WDR37: variants seen among roughly 807,000 people sequenced by gnomAD.
WDR37 encodes WD repeat-containing protein 37.
In WDR37, 19 loss-of-function variants were observed where a neutral mutation model predicts 62.9. The ratio of observed to expected loss-of-function variants is 0.30; its 90% CI spans 0.21 to 0.44. WDR37 has a LOEUF of 0.44. Among genes scored for constraint, WDR37 ranks in the 20% least tolerant of loss-of-function variants. WDR37 has a pLI of 1.00. For missense variants in WDR37, 474 were observed against 657.6 expected, an observed-to-expected ratio of 0.72 and a Z score of 3.05; for synonymous variants, 250 against 260.9, an observed-to-expected ratio of 0.96 and a Z score of 0.40.
chr10:1,093,793 C>T (rs1467048336), intron 8 of WDR37, among the ~76,000 whole-genome samples: 2 of 152,172 alleles, frequency 1.3e-5, no homozygotes, highest in Admixed American at 6.5e-5. Context: ...TTCCTGTAGA[C>T]GGAGCTCCTT....
At chr10:1,091,886 C>G (rs556777884) in intron 7 of WDR37, among the ~76,000 whole-genome samples, 1 of 152,306 alleles carries the variant, frequency 6.6e-6, no homozygotes, top group East Asian at 1.9e-4. Context: ...GCTCCTTTTT[C>G]AAGAAAATGA....
At chr10:1,068,354 G>A (rs1833617888) in intron 1 of WDR37, among the ~76,000 whole-genome samples, 1 of 143,816 alleles carries the variant, frequency 7.0e-6, no homozygotes, top group Non-Finnish European at 1.5e-5. Context: ...GGTGGCGGGC[G>A]CCTGAGGCAG....
intron 9 of WDR37, among the ~76,000 whole-genome samples, chr10:1,101,533 A>G (rs530952127): frequency 1.9e-4 from 29 of 152,180 alleles, no homozygotes; most frequent in Non-Finnish European, 3.8e-4. Context: ...GGACTTCGAC[A>G]CAGGAATTTG....
chr10:1,104,591 G>A (rs1834943465), intron 10 of WDR37, among the ~76,000 whole-genome samples: 1 of 152,116 alleles, frequency 6.6e-6, no homozygotes, highest in Non-Finnish European at 1.5e-5. Flanking sequence ...GCCTTATAAT[G>A]TATCATAATT....
At chr10:1,092,174 C>A in intron 7 of WDR37, among the ~76,000 whole-genome samples, 2 of 110,668 alleles carry the variant, frequency 1.8e-5, no homozygotes, top group East Asian at 2.8e-4. Context: ...AGCGAGACTC[C>A]GTCTCAAAAA....
At chr10:1,104,303 C>T (rs573351280) in intron 10 of WDR37, among the ~76,000 whole-genome samples, 38 of 152,188 alleles carry the variant, frequency 2.5e-4, no homozygotes, top group African/African-American at 8.4e-4. Context: ...CTCCTTCTTG[C>T]GTCTGGAGTT....
chr10:1,127,164 T>C (rs1270467265), intron 13 of WDR37, among the ~76,000 whole-genome samples: 2 of 152,258 alleles, frequency 1.3e-5, no homozygotes, highest in Middle Eastern at 6.3e-3. Flanking sequence ...TGTTTATGAC[T>C]GTGAACTATG....
intron 11 of WDR37, among the ~76,000 whole-genome samples, chr10:1,123,428 A>G (rs1246765157): frequency 6.6e-6 from 1 of 152,196 alleles, no homozygotes; most frequent in African/African-American, 2.4e-5. Flanking sequence ...CCCATCCCCC[A>G]GACCCCGAGA....
intron 11 of WDR37, among the ~76,000 whole-genome samples, chr10:1,118,612 T>C (rs1835477805): frequency 6.6e-6 from 1 of 152,110 alleles, no homozygotes. Context: ...AGCTGCAGGG[T>C]TTCTGGTGCT....
intron 1 of WDR37, among the ~76,000 whole-genome samples, chr10:1,061,512 T>C (rs1405379987): frequency 6.8e-6 from 1 of 147,212 alleles, no homozygotes; most frequent in African/African-American, 2.7e-5. Context: ...GTGCGCAACA[T>C]AGTTTATTCA....
chr10:1,072,646 C>T (rs1833763463), intron 2 of WDR37, among the ~76,000 whole-genome samples: 2 of 151,918 alleles, frequency 1.3e-5, no homozygotes, highest in South Asian at 4.1e-4. Context: ...GTGATTGTGT[C>T]TGTGACGTTA....
rs1835782107 is a variant in WDR37, at chr10:1,126,448, G to A, written c.1353+1424G>A. On this transcript the variant is annotated intron_variant, in intron 13 of 13. Coordinates refer to ENST00000263150, the MANE Select transcript of WDR37 (RefSeq NM_014023.4). ...ACTCCCCGTGGTCGAGGCAGCGTCT[G>A]CCCAGCCTTGTGCGTAATGGAGGCC... 1.3e-5 allele frequency among the ~76,000 whole-genome samples: 2 copies of A among 151,986 alleles called. 1 individual carries two copies. Among genetic ancestry groups the A allele is most frequent in the Admixed American group, 1.3e-4 (2 of 15,278 alleles).
chr10:1,101,040 AC>A (rs1834779115), intron 9 of WDR37, among the ~76,000 whole-genome samples: 1 of 152,070 alleles, frequency 6.6e-6, no homozygotes, highest in Non-Finnish European at 1.5e-5. Context: ...CACCGTCTGA[AC>A]GCCTGTATTG....
intron 9 of WDR37, among the ~76,000 whole-genome samples, chr10:1,101,848 T>C (rs1282619979): frequency 6.6e-6 from 1 of 152,212 alleles, no homozygotes; most frequent in South Asian, 2.1e-4. Context: ...AGTAATTCTG[T>C]GTGAAATAGC....
chr10:1,082,791 A>T (rs1025380709), intron 5 of WDR37, among the ~76,000 whole-genome samples: 12 of 141,004 alleles, frequency 8.5e-5, no homozygotes, highest in Non-Finnish European at 1.7e-4. Flanking sequence ...CCAGCAGCAC[A>T]GCTCCAGCAG....
intron 9 of WDR37, among the ~76,000 whole-genome samples, chr10:1,102,320 G>T (rs903392181): frequency 2.6e-5 from 4 of 152,120 alleles, no homozygotes; most frequent in African/African-American, 9.7e-5. Context: ...GCTGCTGTGC[G>T]TCCCTGTGAC....
chr10:1,086,244 T>A (rs1040274035), intron 6 of WDR37, 42 bp from the exon 7 acceptor site: 1 of 1,546,102 alleles, frequency 6.5e-7, no homozygotes, highest in Admixed American at 1.7e-5. Flanking sequence ...AACTATAAAC[T>A]GATGATAGCT....
chr10:1,127,835 T>C (rs191939262), intron 13 of WDR37, among the ~76,000 whole-genome samples: 1 of 152,210 alleles, frequency 6.6e-6, no homozygotes, highest in African/African-American at 2.4e-5. Context: ...GTCTTCCGGG[T>C]GCATCTGCTT....
At chr10:1,060,603 A>G (rs1193351457) in intron 1 of WDR37, among the ~76,000 whole-genome samples, 1 of 152,220 alleles carries the variant, frequency 6.6e-6, no homozygotes, top group Non-Finnish European at 1.5e-5. Context: ...GCTTGTATTT[A>G]GGTAAAACAG....
Sources: gnomAD v4.1 joint callset for allele counts (sites outside exome capture counted in the v4.1 genomes callset) on GRCh38, gnomAD v4.1.1 for gene constraint, MANE v1.5 for transcripts, NCBI Gene and HGNC (gene_info 2026-07-23, HGNC 2026-07-21) for gene names.